MBOAT2: variants seen among roughly 807,000 people sequenced by gnomAD.
The protein encoded by MBOAT2 is membrane bound glycerophospholipid O-acyltransferase 2.
Under a neutral mutation model 63.4 loss-of-function variants are expected in MBOAT2, and 28 were observed. That is an observed-to-expected ratio of 0.44 (90% CI 0.33 to 0.61). The LOEUF (loss-of-function observed/expected upper bound fraction) is 0.61, where lower values mean the gene tolerates loss of function less well. Among genes scored for constraint, MBOAT2 ranks in the 20% least tolerant of loss-of-function variants. The probability of loss-of-function intolerance (pLI) is 0.03; values close to 1 mark genes in which losing one functional copy is unlikely to be tolerated. For missense variants in MBOAT2, 470 were observed against 605.8 expected, an observed-to-expected ratio of 0.78 and a Z score of 2.35; for synonymous variants, 211 against 215.6, an observed-to-expected ratio of 0.98 and a Z score of 0.19.
In MBOAT2 at chr2:8,958,480, T is replaced by C. The variant is rs1669385038; in HGVS notation, c.221+17A>G. 2 of 1,570,978 alleles carry C rather than the reference T, an allele frequency of 1.3e-6. No homozygotes were observed. The highest frequency in any genetic ancestry group is 4.5e-5 in the East Asian group (2 of 44,210). Reference sequence around the variant, plus strand: ...CCAAATAGTCTTCATTTTAAAAGGATCAAAATAATTACTTACCATCCAAAG... The same window carrying C: ...CCAAATAGTCTTCATTTTAAAAGGACCAAAATAATTACTTACCATCCAAAG... On this transcript the variant is annotated intron_variant, in intron 2 of 12. Coordinates refer to ENST00000305997, the MANE Select transcript of MBOAT2 (RefSeq NM_138799.4).
At chr2:8,970,620 A>G (rs1310909138) in intron 1 of MBOAT2, among the ~76,000 whole-genome samples, 1 of 152,174 alleles carries the variant, frequency 6.6e-6, no homozygotes, top group Non-Finnish European at 1.5e-5. Flanking sequence ...TTGATAGACC[A>G]CTAGCAAGAC....
intron 1 of MBOAT2, among the ~76,000 whole-genome samples, chr2:9,001,857 G>T (rs866831756): frequency 2.0e-5 from 3 of 152,130 alleles, no homozygotes; most frequent in African/African-American, 7.2e-5. Context: ...GAGCGGGAGG[G>T]AAAGAAAGAT....
intron 7 of MBOAT2, among the ~76,000 whole-genome samples, chr2:8,876,419 G>C (rs1482416433): frequency 6.6e-6 from 1 of 152,214 alleles, no homozygotes. Flanking sequence ...AACTACGTGT[G>C]AGGTGCACAC....
At chr2:8,935,853 G>A (rs558349963) in intron 3 of MBOAT2, among the ~76,000 whole-genome samples, 116 of 152,310 alleles carry the variant, frequency 7.6e-4, no homozygotes, top group African/African-American at 2.7e-3. Flanking sequence ...CACCCAGTGG[G>A]AATCAGAGTT....
intron 4 of MBOAT2, 64 bp from the exon 5 acceptor site, chr2:8,888,137 A>T (rs1663700979): frequency 1.4e-6 from 2 of 1,437,468 alleles, no homozygotes; most frequent in African/African-American, 1.4e-5. Context: ...CTTATGACAT[A>T]TGAGTTAAGA....
chr2:8,876,712 G>T (rs750920425), intron 7 of MBOAT2, among the ~76,000 whole-genome samples: 222 of 151,614 alleles, frequency 1.5e-3, no homozygotes, highest in Non-Finnish European at 2.8e-3. Flanking sequence ...GGGAAGGAAA[G>T]GGGGAAGGGG....
chr2:8,909,360 A>T (rs1665545982), intron 3 of MBOAT2, among the ~76,000 whole-genome samples: 1 of 152,316 alleles, frequency 6.6e-6, no homozygotes, highest in Middle Eastern at 3.4e-3. Flanking sequence ...CAGGGAATGG[A>T]TGAGTTGTCA....
intron 3 of MBOAT2, among the ~76,000 whole-genome samples, chr2:8,909,218 T>C (rs1665536076): frequency 6.6e-6 from 1 of 152,218 alleles, no homozygotes; most frequent in Non-Finnish European, 1.5e-5. Flanking sequence ...CTTAAGATGC[T>C]TGGAATATAG....
chr2:8,935,850 T>G (rs1156606187), intron 3 of MBOAT2, among the ~76,000 whole-genome samples: 10 of 152,218 alleles, frequency 6.6e-5, no homozygotes, highest in Non-Finnish European at 1.5e-4. Context: ...GGCCACCCAG[T>G]GGGAATCAGA....
intron 1 of MBOAT2, among the ~76,000 whole-genome samples, chr2:8,977,047 G>A (rs1670866527): frequency 6.6e-6 from 1 of 152,070 alleles, no homozygotes; most frequent in Non-Finnish European, 1.5e-5. Context: ...GCCAGGGAGA[G>A]GCAGGAGGGA....
At chr2:8,940,890 T>C (rs542530120) in intron 3 of MBOAT2, among the ~76,000 whole-genome samples, 1 of 152,272 alleles carries the variant, frequency 6.6e-6, no homozygotes, top group African/African-American at 2.4e-5. Flanking sequence ...CAAAGAAATA[T>C]ATTAAAACGT....
chr2:8,946,808 T>C (rs921020312), intron 2 of MBOAT2, among the ~76,000 whole-genome samples: 1 of 152,218 alleles, frequency 6.6e-6, no homozygotes, highest in African/African-American at 2.4e-5. Flanking sequence ...CGGCAGTCTC[T>C]GTCTTCCTCT....
chr2:8,903,728 C>T (rs1348994644), intron 4 of MBOAT2, among the ~76,000 whole-genome samples: 2 of 152,122 alleles, frequency 1.3e-5, no homozygotes, highest in Admixed American at 1.3e-4. Context: ...TTCTTAGATC[C>T]GTGAGTCTCT....
At chr2:8,894,961 G>T (rs995323515) in intron 4 of MBOAT2, among the ~76,000 whole-genome samples, 2 of 151,116 alleles carry the variant, frequency 1.3e-5, no homozygotes, top group Non-Finnish European at 2.9e-5. Context: ...TCATAAAGGC[G>T]GCACGTCCGG....
chr2:8,879,741 C>T (rs544624879), intron 6 of MBOAT2, among the ~76,000 whole-genome samples: 5 of 152,132 alleles, frequency 3.3e-5, no homozygotes, highest in Admixed American at 1.3e-4. Context: ...CTCTTGGAGG[C>T]GAAATCACTC....
intron 2 of MBOAT2, among the ~76,000 whole-genome samples, chr2:8,943,990 AG>A (rs1668236908): frequency 6.6e-6 from 1 of 151,958 alleles, no homozygotes; most frequent in African/African-American, 2.4e-5. Flanking sequence ...CAGCCTCCCG[AG>A]TAGCTGGGAT....
At chr2:8,912,676 G>A (rs139568273) in intron 3 of MBOAT2, among the ~76,000 whole-genome samples, 4,021 of 152,230 alleles carry the variant, frequency 0.026, 189 homozygotes, top group African/African-American at 0.091. Flanking sequence ...ACAAAACACT[G>A]CTGAAGGAAA....
intron 2 of MBOAT2, among the ~76,000 whole-genome samples, chr2:8,954,990 G>A (rs570349254): frequency 5.3e-5 from 8 of 152,334 alleles, no homozygotes; most frequent in Admixed American, 2.6e-4. Flanking sequence ...TTGCTGCCCA[G>A]GAGAAAGTGC....
At chr2:8,945,941 A>G (rs1029601340) in intron 2 of MBOAT2, among the ~76,000 whole-genome samples, 1 of 152,228 alleles carries the variant, frequency 6.6e-6, no homozygotes, top group African/African-American at 2.4e-5. Context: ...CTAGAAATAC[A>G]AGTCAATGAG....
Sources: gnomAD v4.1 joint callset for allele counts (sites outside exome capture counted in the v4.1 genomes callset) on GRCh38, gnomAD v4.1.1 for gene constraint, MANE v1.5 for transcripts, NCBI Gene and HGNC (gene_info 2026-07-23, HGNC 2026-07-21) for gene names.